STK33: variants seen among roughly 807,000 people sequenced by gnomAD.
The protein encoded by STK33 is serine/threonine-protein kinase 33.
In STK33, 52 loss-of-function variants were observed where a neutral mutation model predicts 58.0. The ratio of observed to expected loss-of-function variants is 0.90; its 90% CI spans 0.72 to 1.13. STK33 has a LOEUF of 1.13. Ranked by LOEUF, STK33 falls within the 50% of genes most tolerant of loss-of-function variation. The pLI is 0.00. For missense variants in STK33, 630 were observed against 604.2 expected (o/e 1.04, Z -0.45); for synonymous variants, 215 against 200.1 (o/e 1.07, Z -0.63).
At chr11:8,488,374 TACAC>T (rs1313015879) in intron 1 of STK33, among the ~76,000 whole-genome samples, 1 of 151,980 alleles carries the variant, frequency 6.6e-6, no homozygotes, top group African/African-American at 2.4e-5. Flanking sequence ...TCTAGGAAGC[TACAC>T]ACACACATAG....
chr11:8,575,895 G>A (rs1438802926), intron 1 of STK33, among the ~76,000 whole-genome samples: 1 of 152,100 alleles, frequency 6.6e-6, no homozygotes, highest in Non-Finnish European at 1.5e-5. Flanking sequence ...GATGCAGGCT[G>A]AGAAGACTGG....
chr11:8,483,974 T>C (rs1024626118), intron 1 of STK33, among the ~76,000 whole-genome samples: 5 of 152,220 alleles, frequency 3.3e-5, no homozygotes, highest in African/African-American at 1.2e-4. Context: ...AACATGAATG[T>C]TCTACCATTT....
intron 11 of STK33, among the ~76,000 whole-genome samples, chr11:8,445,497 TATG>T (rs1252486617): frequency 6.6e-6 from 1 of 152,240 alleles, no homozygotes; most frequent in East Asian, 1.9e-4. Flanking sequence ...GCCCATTCAG[TATG>T]ATATTCGCTG....
At chr11:8,481,617 C>T (rs1471810576) in intron 1 of STK33, among the ~76,000 whole-genome samples, 1 of 152,140 alleles carries the variant, frequency 6.6e-6, no homozygotes, top group Non-Finnish European at 1.5e-5. Context: ...TAATGCAGTC[C>T]TCACTCCATC....
At chr11:8,531,274 GTAAGAAAGATAC>G (rs1344503048) in intron 1 of STK33, among the ~76,000 whole-genome samples, 2 of 152,146 alleles carry the variant, frequency 1.3e-5, no homozygotes, top group Admixed American at 6.5e-5. Flanking sequence ...ATAAATACAG[GTAAGAAAGATAC>G]TAAGGCAATT....
At chr11:8,407,858 T>C (rs905902829) in intron 15 of STK33, among the ~76,000 whole-genome samples, 1 of 151,848 alleles carries the variant, frequency 6.6e-6, no homozygotes, top group Non-Finnish European at 1.5e-5. Flanking sequence ...CCAAGCAGGA[T>C]AAAAGTGAAG....
chr11:8,555,723 C>A (rs1956698901), intron 1 of STK33, among the ~76,000 whole-genome samples: 1 of 150,688 alleles, frequency 6.6e-6, no homozygotes, highest in African/African-American at 2.4e-5. Flanking sequence ...ATTATCTTAC[C>A]ACAAAAAAAA....
chr11:8,482,071 G>A (rs368929649), intron 1 of STK33, among the ~76,000 whole-genome samples: 15 of 152,240 alleles, frequency 9.9e-5, no homozygotes, highest in South Asian at 4.1e-4. Context: ...CCCCAGCCAC[G>A]TAATTTCAAG....
At chr11:8,526,491 A>C in intron 1 of STK33, among the ~76,000 whole-genome samples, 1 of 152,184 alleles carries the variant, frequency 6.6e-6, no homozygotes, top group South Asian at 2.1e-4. Flanking sequence ...CTTATAACTC[A>C]AAAATTTCTC....
chr11:8,529,108 C>T lies in STK33; in HGVS notation c.-465-48494G>A, dbSNP rs984696124. On this transcript the variant is annotated intron_variant, in intron 1 of 15. Coordinates refer to ENST00000687296, the MANE Select transcript of STK33 (RefSeq NM_001352389.2). The stretch of plus-strand genomic sequence containing the variant: ...GGTTTGAATCCCAACAGTCTGATTC[C>T]GTCTTGTTCTTAACCATTAAACTGT... Among the ~76,000 whole-genome samples the T allele has an allele frequency of 2.6e-5, 4 of 152,116 alleles. No individual in the cohort carries two copies. The East Asian group carries it at 7.7e-4, about 29-fold the overall frequency.
chr11:8,402,474 G>T lies in STK33; in HGVS notation c.1345-9764C>A, dbSNP rs543611542. ...ACACCGGGGCCTGTTGTGGGGTGGGGGCAGCGAGGAGGGATAGCATTAGGA... is the reference window on the plus strand; with the variant it reads ...ACACCGGGGCCTGTTGTGGGGTGGGTGCAGCGAGGAGGGATAGCATTAGGA... On this transcript the variant is annotated intron_variant, in intron 15 of 15. Transcript: ENST00000687296. 1.2e-3 allele frequency among the ~76,000 whole-genome samples: 190 copies of T among 152,222 alleles called. 1 individual carries two copies. Among genetic ancestry groups the T allele is most frequent in the Admixed American group, 2.4e-3 (36 of 15,288 alleles).
At chr11:8,517,479 G>A (rs564540375) in intron 1 of STK33, among the ~76,000 whole-genome samples, 1 of 152,226 alleles carries the variant, frequency 6.6e-6, no homozygotes, top group Non-Finnish European at 1.5e-5. Context: ...AAGCTGGACG[G>A]AGAATGACTT....
At chr11:8,384,422 A>G in the STK33 span, among the ~76,000 whole-genome samples, 1 of 152,196 alleles carries the variant, frequency 6.6e-6, no homozygotes, top group African/African-American at 2.4e-5. Flanking sequence ...GAGGAGTTAG[A>G]GAACACTCTG....
At chr11:8,433,583 C>G (rs915238159) in intron 14 of STK33, among the ~76,000 whole-genome samples, 2 of 152,198 alleles carry the variant, frequency 1.3e-5, no homozygotes, top group African/African-American at 4.8e-5. Context: ...GCATTGCAAA[C>G]TGATCCTATC....
downstream of STK33, among the ~76,000 whole-genome samples, chr11:8,388,783 A>C (rs1848578738): frequency 6.6e-6 from 1 of 152,100 alleles, no homozygotes; most frequent in South Asian, 2.1e-4. Context: ...TAGGCTCCCA[A>C]ACCTTGAGCC....
At chr11:8,432,325 A>T (rs1159650108) in intron 14 of STK33, among the ~76,000 whole-genome samples, 1 of 151,982 alleles carries the variant, frequency 6.6e-6, no homozygotes, top group Non-Finnish European at 1.5e-5. Flanking sequence ...ATTATCTAAT[A>T]AGAAGCAATT....
chr11:8,513,842 T>C (rs1952538424), intron 1 of STK33, among the ~76,000 whole-genome samples: 1 of 152,184 alleles, frequency 6.6e-6, no homozygotes, highest in Non-Finnish European at 1.5e-5. Context: ...CTTTTAGTTA[T>C]TTTTAAATGT....
intron 1 of STK33, among the ~76,000 whole-genome samples, chr11:8,582,201 G>A (rs950223421): frequency 6.6e-6 from 1 of 151,812 alleles, no homozygotes; most frequent in Non-Finnish European, 1.5e-5. Flanking sequence ...AAATCAATTT[G>A]ATAAACAAAA....
chr11:8,468,221 C>T (rs888370009), intron 6 of STK33, among the ~76,000 whole-genome samples: 2 of 152,150 alleles, frequency 1.3e-5, no homozygotes, highest in Non-Finnish European at 2.9e-5. Flanking sequence ...ATTTTTAAAA[C>T]CATCACATCC....
Sources: allele counts gnomAD v4.1 joint callset (sites outside exome capture counted in the v4.1 genomes callset), GRCh38; gene constraint gnomAD v4.1.1; transcripts MANE v1.5; gene names NCBI Gene and HGNC (gene_info 2026-07-23, HGNC 2026-07-21).